Variants in ARMC2 observed in about 807,000 individuals in gnomAD.
ARMC2 encodes the protein armadillo repeat containing 2.
ARMC2 carries 67 observed loss-of-function variants against 90.3 expected under a neutral mutation model. The ratio of observed to expected loss-of-function variants is 0.74; its 90% CI spans 0.61 to 0.91. ARMC2 has a LOEUF of 0.91. Ranked by LOEUF, ARMC2 falls within the 40% of genes least tolerant of loss-of-function variation. ARMC2 has a pLI of 0.00. For synonymous variants in ARMC2, 393 were observed against 393.0 expected (o/e 1.00, Z 0.00); for missense variants, 920 against 1,030.9 (o/e 0.89, Z 1.47).
At chr6:109,032,214 G>A in the ARMC2 span, among the ~76,000 whole-genome samples, 64 of 151,938 alleles carry the variant, frequency 4.2e-4, no homozygotes, top group Admixed American at 2.9e-3. Context: ...GGAGGTTGCG[G>A]TGAGCTGAGA....
the ARMC2 span, among the ~76,000 whole-genome samples, chr6:108,995,231 T>G: frequency 6.6e-6 from 1 of 152,218 alleles, no homozygotes; most frequent in Non-Finnish European, 1.5e-5. Flanking sequence ...AAAGCAGAAC[T>G]GCGTAAGATA....
the ARMC2 span, among the ~76,000 whole-genome samples, chr6:109,029,316 C>T: frequency 1.9e-3 from 285 of 152,218 alleles, no homozygotes; most frequent in African/African-American, 6.5e-3. Context: ...AGTAATTGAA[C>T]CAAAAAGTTG....
chr6:108,966,329 G>A (rs1213506029), intron 17 of ARMC2, among the ~76,000 whole-genome samples: 2 of 151,958 alleles, frequency 1.3e-5, no homozygotes, highest in Admixed American at 6.6e-5. Context: ...CAGCCGTTCC[G>A]AAATGATATT....
the ARMC2 span, among the ~76,000 whole-genome samples, chr6:109,023,452 TG>T: frequency 6.7e-4 from 102 of 152,354 alleles, 1 homozygote; most frequent in Admixed American, 6.5e-3. Flanking sequence ...TGATCCACTA[TG>T]TTTTTTTGAT....
chr6:108,849,460 C>T (rs1366056358), intron 1 of ARMC2, among the ~76,000 whole-genome samples: 1 of 152,190 alleles, frequency 6.6e-6, no homozygotes, highest in Non-Finnish European at 1.5e-5. Context: ...AGCAAACCAA[C>T]ATGGCACATG....
chr6:108,954,579 G>A (rs1419230132), intron 13 of ARMC2, among the ~76,000 whole-genome samples: 2 of 152,140 alleles, frequency 1.3e-5, no homozygotes, highest in African/African-American at 2.4e-5. Context: ...GGCCGAGATC[G>A]TGCCACTGCA....
chr6:109,050,735 A>G, the ARMC2 span, among the ~76,000 whole-genome samples: 5 of 152,318 alleles, frequency 3.3e-5, no homozygotes, highest in Middle Eastern at 0.014. Flanking sequence ...AGGAAGACCA[A>G]CCTTCCAAGA....
chr6:108,857,611 T>A (rs1774781531), intron 2 of ARMC2, among the ~76,000 whole-genome samples: 1 of 152,140 alleles, frequency 6.6e-6, no homozygotes, highest in African/African-American at 2.4e-5. Context: ...ACTCTTATCA[T>A]AAAATATGAT....
At chr6:108,868,134 A>G (rs13196153) in intron 3 of ARMC2, among the ~76,000 whole-genome samples, 1 of 151,502 alleles carries the variant, frequency 6.6e-6, no homozygotes, top group Non-Finnish European at 1.5e-5. Flanking sequence ...TAGGTACTCA[A>G]CAAATGTTTT....
At chr6:109,033,520 C>T in the ARMC2 span, among the ~76,000 whole-genome samples, 1 of 152,058 alleles carries the variant, frequency 6.6e-6, no homozygotes, top group Non-Finnish European at 1.5e-5. Context: ...GTTTTTATTC[C>T]ATAATGTCCC....
the ARMC2 span, among the ~76,000 whole-genome samples, chr6:109,033,222 G>A: frequency 5.9e-5 from 9 of 152,170 alleles, no homozygotes; most frequent in Non-Finnish European, 8.8e-5. Flanking sequence ...AGAGAGTGCA[G>A]TGGTCTGGTT....
At chr6:108,895,764 C>A (rs1771547198) in intron 6 of ARMC2, among the ~76,000 whole-genome samples, 1 of 152,044 alleles carries the variant, frequency 6.6e-6, no homozygotes, top group African/African-American at 2.4e-5. Flanking sequence ...GGATACACAG[C>A]CATGTGGTAA....
intron 13 of ARMC2, among the ~76,000 whole-genome samples, chr6:108,956,527 T>C (rs904141351): frequency 3.5e-5 from 5 of 144,498 alleles, no homozygotes; most frequent in Non-Finnish European, 7.5e-5. Flanking sequence ...CAAAACCCTG[T>C]CTCTATTAAA....
chr6:108,852,480 G>A (rs1301181439), intron 1 of ARMC2, among the ~76,000 whole-genome samples: 1 of 152,062 alleles, frequency 6.6e-6, no homozygotes, highest in Non-Finnish European at 1.5e-5. Context: ...ATAGTATTTG[G>A]TCAGTCTAAA....
chr6:108,926,866 A>G (rs1343060719), intron 10 of ARMC2, among the ~76,000 whole-genome samples: 1 of 152,020 alleles, frequency 6.6e-6, no homozygotes, highest in East Asian at 1.9e-4. Context: ...AAGAATTTAC[A>G]GAATCATTGT....
Position 108,973,718 on chromosome 6 carries a change from T to A in ARMC2, c.*204T>A. ...GAAAAATGAATATACACATTATATT[T>A]CCTGTTGAGAGAAATGTAAGATGAA... On this transcript the variant is annotated 3_prime_UTR_variant, in exon 18 of 18. Coordinates refer to ENST00000392644, the MANE Select transcript of ARMC2 (RefSeq NM_032131.6). 2.4e-6 allele frequency: 1 copy of A among 424,848 alleles called. No homozygotes were observed. The highest frequency in any genetic ancestry group is 4.1e-6 in the Non-Finnish European group (1 of 243,640). The allele number at this position is 424,848 out of a possible 1,614,324, so 26.3% of individuals were successfully genotyped here. A position where few individuals can be genotyped will look rare whatever the true frequency, so the allele number is the denominator to read the frequency against.
At chr6:108,972,885 C>T (rs1295222989) in intron 17 of ARMC2, among the ~76,000 whole-genome samples, 1 of 150,032 alleles carries the variant, frequency 6.7e-6, no homozygotes, top group Non-Finnish European at 1.5e-5. Flanking sequence ...CCAAGCTAAT[C>T]TTGAACTCTG....
At chr6:108,978,732 C>T (rs369056297), downstream of ARMC2, among the ~76,000 whole-genome samples, 1 of 152,042 alleles carries the variant, frequency 6.6e-6, no homozygotes, top group Non-Finnish European at 1.5e-5. Context: ...TGCATTGATC[C>T]CTTTACCATT....
At chr6:109,005,896 G>A in the ARMC2 span, among the ~76,000 whole-genome samples, 1 of 152,128 alleles carries the variant, frequency 6.6e-6, no homozygotes, top group African/African-American at 2.4e-5. Context: ...AACAGATTTG[G>A]CTGTCTAATT....
Sources: gnomAD v4.1 joint callset for allele counts (sites outside exome capture counted in the v4.1 genomes callset) on GRCh38, gnomAD v4.1.1 for gene constraint, MANE v1.5 for transcripts, NCBI Gene and HGNC (gene_info 2026-07-23, HGNC 2026-07-21) for gene names.